The following GRID2 variants were observed in gnomAD, a reference collection of about 807,000 sequenced individuals.
GRID2 encodes the protein glutamate receptor ionotropic, delta-2.
In GRID2, 33 loss-of-function variants were observed where a neutral mutation model predicts 114.8. That is an observed-to-expected ratio of 0.29 (90% CI 0.22 to 0.38). GRID2 has a LOEUF of 0.38. GRID2 is among the 10% of genes least tolerant of loss of function. The pLI, the probability that GRID2 is intolerant of heterozygous loss-of-function variation, is 1.00. For synonymous variants in GRID2, 505 were observed against 449.9 expected, an observed-to-expected ratio of 1.12 and a Z score of -1.55; for missense variants, 1,184 against 1,257.7, an observed-to-expected ratio of 0.94 and a Z score of 0.89.
chr4:92,883,499 G>C (rs903179701), intron 2 of GRID2, among the ~76,000 whole-genome samples: 2 of 151,982 alleles, frequency 1.3e-5, no homozygotes, highest in African/African-American at 4.8e-5. Flanking sequence ...TTTCCACAAG[G>C]TTTTCAATTT....
chr4:92,949,140 G>A (rs1002535010), intron 2 of GRID2, among the ~76,000 whole-genome samples: 9 of 151,632 alleles, frequency 5.9e-5, no homozygotes, highest in Non-Finnish European at 1.0e-4. Context: ...AAATGTGTGT[G>A]TGTGTGTGTG....
At chr4:92,872,331 A>G (rs1322271961) in intron 2 of GRID2, among the ~76,000 whole-genome samples, 2 of 152,158 alleles carry the variant, frequency 1.3e-5, no homozygotes. Flanking sequence ...TAAACTGAAA[A>G]CTTTCCAATT....
intron 1 of GRID2, among the ~76,000 whole-genome samples, chr4:92,564,695 C>T (rs1727253581): frequency 6.6e-6 from 1 of 151,870 alleles, no homozygotes; most frequent in African/African-American, 2.4e-5. Flanking sequence ...CTTAAACATT[C>T]CTAAGGCAAA....
intron 2 of GRID2, among the ~76,000 whole-genome samples, chr4:92,880,647 G>T (rs538489265): frequency 4.6e-5 from 7 of 151,992 alleles, no homozygotes; most frequent in Non-Finnish European, 1.0e-4. Flanking sequence ...ATTCTAGAGG[G>T]ATAATAAATA....
At chr4:93,316,379 GAA>G (rs1390735069) in intron 8 of GRID2, among the ~76,000 whole-genome samples, 1 of 108,876 alleles carries the variant, frequency 9.2e-6, no homozygotes. Flanking sequence ...AAGAAAGAAA[GAA>G]AGAATAGAAA....
chr4:92,474,008 G>A (rs1049700526), intron 1 of GRID2, among the ~76,000 whole-genome samples: 70 of 148,510 alleles, frequency 4.7e-4, no homozygotes, highest in African/African-American at 1.7e-3. Context: ...GTGTGTGTAC[G>A]TATGCGATGA....
intron 1 of GRID2, among the ~76,000 whole-genome samples, chr4:92,552,170 T>A (rs1380047760): frequency 6.6e-6 from 1 of 151,796 alleles, no homozygotes; most frequent in African/African-American, 2.4e-5. Context: ...AAGTTTCTGA[T>A]TAAATGTTAA....
At chr4:93,289,140 T>C (rs565956300) in intron 8 of GRID2, among the ~76,000 whole-genome samples, 8 of 152,336 alleles carry the variant, frequency 5.3e-5, no homozygotes, top group Admixed American at 2.0e-4. Context: ...GATCCTGCAG[T>C]GTTTTGTACA....
chr4:92,841,952 A>G (rs1367720976), intron 2 of GRID2, among the ~76,000 whole-genome samples: 1 of 152,146 alleles, frequency 6.6e-6, no homozygotes, highest in African/African-American at 2.4e-5. Context: ...GCAGGGCTGC[A>G]GTAAAATGAA....
chr4:93,315,738 T>C (rs1349563546), intron 8 of GRID2, among the ~76,000 whole-genome samples: 1 of 152,114 alleles, frequency 6.6e-6, no homozygotes, highest in Non-Finnish European at 1.5e-5. Flanking sequence ...TTTTATCTCA[T>C]TACCCTGAAA....
chr4:92,676,925 G>A (rs1243462335), intron 2 of GRID2, among the ~76,000 whole-genome samples: 1 of 152,078 alleles, frequency 6.6e-6, no homozygotes, highest in Non-Finnish European at 1.5e-5. Flanking sequence ...TGCATATAAT[G>A]CAATATTATC....
At chr4:93,424,747 A>AT (rs550664345) in intron 10 of GRID2, among the ~76,000 whole-genome samples, 16 of 151,854 alleles carry the variant, frequency 1.1e-4, no homozygotes, top group East Asian at 5.8e-4. Context: ...TATTTCTTCA[A>AT]TTTTTTTTAC....
At chr4:92,550,378 CATCA>C (rs1295072268) in intron 1 of GRID2, among the ~76,000 whole-genome samples, 7 of 151,860 alleles carry the variant, frequency 4.6e-5, no homozygotes, top group African/African-American at 1.7e-4. Flanking sequence ...TGTTAAGAAC[CATCA>C]ACTTATTCTT....
rs200958425 is a variant in GRID2, at chr4:93,398,135, A to ATG, written c.1347+2428_1347+2429insGT. The stretch of plus-strand genomic sequence containing the variant: ...AATACATACATGTATGTGTGTGTGT[A>ATG]TATATATATATATATATCTTATCAT... On this transcript the variant is annotated intron_variant, in intron 9 of 15. Transcript: ENST00000282020. 1.9e-3 allele frequency among the ~76,000 whole-genome samples: 188 copies of ATG among 100,454 alleles called. 15 individuals are homozygous for ATG. The highest frequency in any genetic ancestry group is 0.011 in the African/African-American group (178 of 15,550). 65.9% of individuals were successfully genotyped at this position (100,454 alleles called of 152,430 possible).
At chr4:93,335,007 TA>T (rs1188342025) in intron 8 of GRID2, among the ~76,000 whole-genome samples, 1 of 152,138 alleles carries the variant, frequency 6.6e-6, no homozygotes. Flanking sequence ...AAGTTTTTTC[TA>T]ATGTAGCTAT....
intron 11 of GRID2, among the ~76,000 whole-genome samples, chr4:93,471,224 T>C (rs1724768592): frequency 6.6e-6 from 1 of 152,208 alleles, no homozygotes; most frequent in Non-Finnish European, 1.5e-5. Flanking sequence ...TTTGCTTCTG[T>C]GCAGATGATA....
At chr4:93,019,228 C>T (rs540103040) in intron 2 of GRID2, among the ~76,000 whole-genome samples, 2 of 152,132 alleles carry the variant, frequency 1.3e-5, no homozygotes, top group Non-Finnish European at 2.9e-5. Flanking sequence ...CATACATGTA[C>T]ACATATACAT....
chr4:93,505,498 C>A lies in GRID2; in HGVS notation c.1998-9718C>A, dbSNP rs143329741. On this transcript the variant is annotated intron_variant, in intron 12 of 15. Coordinates refer to ENST00000282020, the MANE Select transcript of GRID2 (RefSeq NM_001510.4). ...TTTATGATATATAAAAAAGAAACTG[C>A]ACATGCTTTTTACCATGCACAGGAA... Among the ~76,000 whole-genome samples, 417 of 151,076 alleles carry A rather than the reference C, an allele frequency of 2.8e-3. 1 individual carries two copies. The highest frequency in any genetic ancestry group is 4.5e-3 in the Non-Finnish European group (306 of 67,742).
At chr4:92,762,516 AAT>A (rs1472344159) in intron 2 of GRID2, among the ~76,000 whole-genome samples, 1 of 152,078 alleles carries the variant, frequency 6.6e-6, no homozygotes, top group Non-Finnish European at 1.5e-5. Context: ...TTACCTCATT[AAT>A]ATTTTACATA....
Sources: gnomAD v4.1 joint callset for allele counts (sites outside exome capture counted in the v4.1 genomes callset) on GRCh38, gnomAD v4.1.1 for gene constraint, MANE v1.5 for transcripts, NCBI Gene and HGNC (gene_info 2026-07-23, HGNC 2026-07-21) for gene names.